Variants in SDK1 observed in about 807,000 individuals in gnomAD.
SDK1 encodes the protein protein sidekick-1.
In SDK1, 157 loss-of-function variants were observed where a neutral mutation model predicts 245.5. That is an observed-to-expected ratio of 0.64 (90% confidence interval 0.56 to 0.73). SDK1 has a LOEUF of 0.73. SDK1 is among the 30% of genes least tolerant of loss of function. SDK1 has a pLI of 0.00. For synonymous variants in SDK1, 1,647 were observed against 1,278.5 expected (o/e 1.29, Z -6.15); for missense variants, 3,583 against 3,002.3 (o/e 1.19, Z -4.52).
At chr7:3,477,223 T>G (rs1781373446) in intron 1 of SDK1, among the ~76,000 whole-genome samples, 1 of 115,744 alleles carries the variant, frequency 8.6e-6, no homozygotes, top group Admixed American at 1.2e-4. Context: ...TGAGCCAGAG[T>G]CTTGCTCTGT....
At chr7:4,108,932 A>T (rs1341846911) in intron 22 of SDK1, among the ~76,000 whole-genome samples, 1 of 152,168 alleles carries the variant, frequency 6.6e-6, no homozygotes, top group Non-Finnish European at 1.5e-5. Flanking sequence ...CGGTGCATGG[A>T]CCTTGGGTCA....
At chr7:4,194,439 T>C (rs1248872264) in intron 35 of SDK1, among the ~76,000 whole-genome samples, 1 of 120,848 alleles carries the variant, frequency 8.3e-6, no homozygotes, top group Admixed American at 7.6e-5. Context: ...CGTATATACA[T>C]ATATGTATAC....
chr7:4,024,223 G>C (rs769472027), intron 17 of SDK1, among the ~76,000 whole-genome samples: 27 of 152,162 alleles, frequency 1.8e-4, no homozygotes, highest in Admixed American at 8.5e-4. Context: ...TAAAACATTA[G>C]TAAAAGCTCC....
intron 1 of SDK1, among the ~76,000 whole-genome samples, chr7:3,389,402 G>C (rs916042164): frequency 3.9e-5 from 6 of 152,152 alleles, no homozygotes; most frequent in African/African-American, 1.4e-4. Context: ...GAGCAAAGCA[G>C]AGTCAGAGAA....
intron 17 of SDK1, among the ~76,000 whole-genome samples, chr7:4,022,739 T>C (rs1227571165): frequency 6.6e-6 from 1 of 151,776 alleles, no homozygotes; most frequent in Non-Finnish European, 1.5e-5. Context: ...CACCACTCAC[T>C]GGCCACACTC....
At chr7:4,061,045 C>A (rs1188030220) in intron 19 of SDK1, among the ~76,000 whole-genome samples, 1 of 152,142 alleles carries the variant, frequency 6.6e-6, no homozygotes, top group African/African-American at 2.4e-5. Context: ...GATACTGGAG[C>A]CTTGTAGTAT....
At chr7:3,722,294 G>A (rs936658320) in intron 4 of SDK1, among the ~76,000 whole-genome samples, 4 of 152,164 alleles carry the variant, frequency 2.6e-5, no homozygotes, top group Admixed American at 2.6e-4. Context: ...CACTATTAGA[G>A]AGACAGGAGC....
At position 4,245,822 on chromosome 7, in the gene SDK1, A is replaced by G. The variant is rs1786817052; in HGVS notation, c.6381+17A>G. On this transcript the variant is annotated intron_variant, in intron 44 of 44. Transcript: ENST00000404826. ...GAATCTGAGGTCAGTGTCGGTGCCTACTTCCGGGCAGTGACCATCAGCCCC... is the reference window on the plus strand; with the variant it reads ...GAATCTGAGGTCAGTGTCGGTGCCTGCTTCCGGGCAGTGACCATCAGCCCC... The G allele has an allele frequency of 1.2e-6, 2 of 1,613,300 alleles. No homozygotes were observed. Among genetic ancestry groups the G allele is most frequent in the Non-Finnish European group, 1.7e-6 (2 of 1,179,658 alleles).
intron 4 of SDK1, among the ~76,000 whole-genome samples, chr7:3,744,873 C>G (rs1024886601): frequency 6.6e-6 from 1 of 151,680 alleles, no homozygotes; most frequent in African/African-American, 2.4e-5. Context: ...AAATAGAAAA[C>G]AAACAAAAAT....
At chr7:3,346,235 G>C (rs1242336226) in intron 1 of SDK1, among the ~76,000 whole-genome samples, 2 of 152,148 alleles carry the variant, frequency 1.3e-5, no homozygotes, top group Non-Finnish European at 2.9e-5. Context: ...GCACCAGCGA[G>C]AAGAGGAGTC....
At position 4,127,524 on chromosome 7, in the gene SDK1, T is replaced by G. The variant is rs1198829270; in HGVS notation, c.3939+28T>G. 3 of 1,540,950 alleles carry G rather than the reference T, an allele frequency of 1.9e-6. No individual in the cohort carries two copies. The African/African-American group carries it at 4.1e-5, about 21-fold the overall frequency. On this transcript the variant is annotated intron_variant, in intron 26 of 44. Coordinates refer to ENST00000404826, the MANE Select transcript of SDK1 (RefSeq NM_152744.4). ...GTGTGATCACAGGATGACCTCCCTT[T>G]GCTTAAAGAGTGGGCTGGGGAAATG...
chr7:3,518,891 A>T (rs1050224720), intron 1 of SDK1, among the ~76,000 whole-genome samples: 3 of 152,146 alleles, frequency 2.0e-5, no homozygotes, highest in African/African-American at 4.8e-5. Context: ...ATATGGAAGT[A>T]ACCCATGTCC....
intron 1 of SDK1, among the ~76,000 whole-genome samples, chr7:3,489,176 G>T (rs775794266): frequency 3.9e-5 from 6 of 152,092 alleles, no homozygotes; most frequent in Non-Finnish European, 8.8e-5. Flanking sequence ...TTAAGGCTAG[G>T]GGTGGGTGCA....
rs757210754 is a variant in SDK1 at position 4,237,109 on chromosome 7, C to G, written c.5993-538C>G. 2.0e-5 allele frequency among the ~76,000 whole-genome samples: 3 copies of G among 152,074 alleles called. No homozygotes were observed. In the South Asian group the frequency reaches 6.2e-4, roughly 32 times the overall value. ...GTCTTGCTATGTTGCCCAGGCTGGT[C>G]TTGAACTCCTGGGCTTAAGCCATCC... On this transcript the variant is annotated intron_variant, in intron 41 of 44. Transcript: ENST00000404826.
intron 1 of SDK1, among the ~76,000 whole-genome samples, chr7:3,368,411 A>G (rs529412853): frequency 5.4e-4 from 82 of 152,328 alleles, no homozygotes; most frequent in African/African-American, 1.9e-3. Flanking sequence ...TCTCCAATGG[A>G]TTTCAAATCC....
intron 1 of SDK1, among the ~76,000 whole-genome samples, chr7:3,584,972 C>T (rs1780637914): frequency 6.6e-6 from 1 of 151,534 alleles, no homozygotes; most frequent in Admixed American, 6.6e-5. Context: ...AATCTGCCCT[C>T]CTCGGCCTCC....
intron 1 of SDK1, among the ~76,000 whole-genome samples, chr7:3,327,567 A>G (rs965791265): frequency 6.6e-6 from 1 of 152,088 alleles, no homozygotes; most frequent in East Asian, 1.9e-4. Flanking sequence ...TTTGCCATAT[A>G]AGAAAATATT....
chr7:3,729,960 TTTG>T (rs1385805074), intron 4 of SDK1, among the ~76,000 whole-genome samples: 1 of 151,890 alleles, frequency 6.6e-6, no homozygotes, highest in Non-Finnish European at 1.5e-5. Flanking sequence ...TAATTTTCAT[TTTG>T]TTGAACATAA....
At chr7:3,521,467 G>A (rs566973418) in intron 1 of SDK1, among the ~76,000 whole-genome samples, 1 of 152,326 alleles carries the variant, frequency 6.6e-6, no homozygotes, top group African/African-American at 2.4e-5. Context: ...TAGCACTACA[G>A]TGGATACCCA....
Sources: allele counts gnomAD v4.1 joint callset (sites outside exome capture counted in the v4.1 genomes callset), GRCh38; gene constraint gnomAD v4.1.1; transcripts MANE v1.5; gene names NCBI Gene and HGNC (gene_info 2026-07-23, HGNC 2026-07-21).